Variants in POLR3B observed in about 807,000 individuals in gnomAD.
POLR3B encodes the protein DNA-directed RNA polymerase III subunit RPC2.
A neutral mutation model predicts 147.4 loss-of-function variants in POLR3B; 96 were observed. The observed-to-expected ratio is 0.65, with a 90% CI of 0.55 to 0.77. The LOEUF is 0.77. POLR3B is among the 30% of genes least tolerant of loss of function. The pLI is 0.00. For missense variants in POLR3B, 1,036 were observed against 1,413.5 expected (o/e 0.73, Z 4.28); for synonymous variants, 461 against 485.9 (o/e 0.95, Z 0.67).
At chr12:106,383,836 G>A (rs779113071) in intron 9 of POLR3B, among the ~76,000 whole-genome samples, 2 of 151,952 alleles carry the variant, frequency 1.3e-5, no homozygotes, top group Non-Finnish European at 2.9e-5. Context: ...AAATTAGCCG[G>A]GTGTGGTGGC....
At chr12:106,368,228 A>G (rs67911933) in intron 4 of POLR3B, among the ~76,000 whole-genome samples, 57,248 of 150,774 alleles carry the variant, frequency 0.38, 12,630 homozygotes, top group African/African-American at 0.61. Flanking sequence ...GTATGCCCCC[A>G]TCCCAGATTG....
At chr12:106,477,005 A>G (rs1277011358) in intron 23 of POLR3B, among the ~76,000 whole-genome samples, 1 of 148,596 alleles carries the variant, frequency 6.7e-6, no homozygotes, top group Non-Finnish European at 1.5e-5. Flanking sequence ...GGTTTTATCT[A>G]CTTTTGGTCT....
At chr12:106,370,610 C>A (rs553262205) in intron 6 of POLR3B, among the ~76,000 whole-genome samples, 36 of 149,818 alleles carry the variant, frequency 2.4e-4, no homozygotes, top group African/African-American at 8.6e-4. Context: ...GACTGTTTAT[C>A]AGTGTTTTTT....
intron 19 of POLR3B, among the ~76,000 whole-genome samples, chr12:106,451,219 C>T (rs75598630): frequency 0.01 from 1,592 of 152,082 alleles, 25 homozygotes; most frequent in African/African-American, 0.036. Context: ...GTGGTGGTTT[C>T]ACAGGCAATT....
rs893490755 is a variant in POLR3B at position 106,467,813 on chromosome 12, G to A, written c.2713+4193G>A. Among the ~76,000 whole-genome samples, 24 of 152,232 alleles carry A rather than the reference G, an allele frequency of 1.6e-4. No individual in the cohort carries two copies. In the South Asian group the frequency reaches 3.5e-3, roughly 22 times the overall value. On this transcript the variant is annotated intron_variant, in intron 23 of 27. Coordinates refer to ENST00000228347, the MANE Select transcript of POLR3B (RefSeq NM_018082.6). ...TCTCAGGGATGAAGCCGACTTGATC[G>A]TGGTGGAAAAGCTTTTTGACGTGCT...
rs565386817 is a variant in POLR3B at position 106,453,876 on chromosome 12, G to A, written c.2084-626G>A. ...TTGGGCTGTACCCTAGATTTCTTAA[G>A]GAAGGGGCCAAGCCTTTTCTCATTT... On this transcript the variant is annotated intron_variant, in intron 19 of 27. Coordinates refer to ENST00000228347, the MANE Select transcript of POLR3B (RefSeq NM_018082.6). 3.3e-5 allele frequency among the ~76,000 whole-genome samples: 5 copies of A among 152,234 alleles called. No homozygotes were observed. The East Asian group carries it at 7.7e-4, about 23-fold the overall frequency.
chr12:106,494,952 A>G (rs1267065709), intron 23 of POLR3B, among the ~76,000 whole-genome samples: 1 of 152,206 alleles, frequency 6.6e-6, no homozygotes, highest in Non-Finnish European at 1.5e-5. Flanking sequence ...ATTACAACAA[A>G]TCGCAAACTA....
chr12:106,401,291 G>A (rs1385468579), intron 10 of POLR3B, among the ~76,000 whole-genome samples: 5 of 152,154 alleles, frequency 3.3e-5, no homozygotes, highest in African/African-American at 1.2e-4. Flanking sequence ...TTGAATCTCT[G>A]AATAGACCAA....
intron 6 of POLR3B, among the ~76,000 whole-genome samples, 155 bp from the exon 7 acceptor site, chr12:106,376,204 T>C (rs2036676363): frequency 6.6e-6 from 1 of 152,248 alleles, no homozygotes; most frequent in Non-Finnish European, 1.5e-5. Context: ...TTCATTTTGC[T>C]TGGCTTCCAT....
At chr12:106,402,000 TA>T (rs2037075252) in intron 10 of POLR3B, among the ~76,000 whole-genome samples, 2 of 152,112 alleles carry the variant, frequency 1.3e-5, no homozygotes, top group Non-Finnish European at 2.9e-5. Flanking sequence ...AGTATTCAAT[TA>T]GGAAAAGAGG....
intron 1 of POLR3B, chr12:106,358,176 C>G (rs2036416455): frequency 1.0e-5 from 15 of 1,434,088 alleles, no homozygotes; most frequent in South Asian, 4.4e-5. Context: ...CTGCGGGGGC[C>G]GAGAAGCCCC....
intron 23 of POLR3B, among the ~76,000 whole-genome samples, chr12:106,476,936 G>A (rs2038180137): frequency 6.6e-6 from 1 of 151,642 alleles, no homozygotes; most frequent in South Asian, 2.1e-4. Context: ...TGGAGGAGGA[G>A]AGGCACTCTG....
At chr12:106,368,808 C>T (rs2036564847) in intron 4 of POLR3B, among the ~76,000 whole-genome samples, 1 of 152,134 alleles carries the variant, frequency 6.6e-6, no homozygotes, top group Admixed American at 6.6e-5. Context: ...CAGTTCTTTC[C>T]ACCCTGTTCC....
chr12:106,507,946 G>A, intron 27 of POLR3B: 5 of 354,904 alleles, frequency 1.4e-5, no homozygotes, highest in South Asian at 4.4e-5. Flanking sequence ...TTAACATTTT[G>A]GTGACTCTTT....
intron 4 of POLR3B, among the ~76,000 whole-genome samples, chr12:106,368,100 T>C (rs2036556858): frequency 6.6e-6 from 1 of 152,110 alleles, no homozygotes; most frequent in African/African-American, 2.4e-5. Context: ...TTGTTCAGAC[T>C]GTTTCAGCTT....
chr12:106,419,767 T>A (rs2037349887), intron 12 of POLR3B, among the ~76,000 whole-genome samples: 1 of 150,268 alleles, frequency 6.7e-6, no homozygotes, highest in African/African-American at 2.5e-5. Flanking sequence ...TTTTTTTTAT[T>A]TATAGTGAGC....
At chr12:106,495,527 T>C (rs1241102813) in intron 23 of POLR3B, among the ~76,000 whole-genome samples, 1 of 152,328 alleles carries the variant, frequency 6.6e-6, no homozygotes, top group Middle Eastern at 3.4e-3. Context: ...CTGCAGCCTA[T>C]AGGTAGACCT....
In POLR3B at chr12:106,443,802, T is replaced by C. The variant is rs370690766; in HGVS notation, c.1956-661T>C. Among the ~76,000 whole-genome samples, 159 of 151,906 alleles carry C rather than the reference T, an allele frequency of 1.0e-3. 4 individuals are homozygous for C. The East Asian group carries it at 0.017, about 16-fold the overall frequency. On this transcript the variant is annotated intron_variant, in intron 18 of 27. Transcript: ENST00000228347. ...TCCCAAACTGCTGGGATTATAGGCGTGAGCCACTGCATCCGGCCTATAGTA... is the reference window on the plus strand; with the variant it reads ...TCCCAAACTGCTGGGATTATAGGCGCGAGCCACTGCATCCGGCCTATAGTA...
chr12:106,395,310 A>G (rs1332473198), intron 10 of POLR3B, among the ~76,000 whole-genome samples: 1 of 152,250 alleles, frequency 6.6e-6, no homozygotes, highest in Admixed American at 6.5e-5. Context: ...TACAGGAACC[A>G]AAACCTGCTT....
Sources: gnomAD v4.1 joint callset for allele counts (sites outside exome capture counted in the v4.1 genomes callset) on GRCh38, gnomAD v4.1.1 for gene constraint, MANE v1.5 for transcripts, NCBI Gene and HGNC (gene_info 2026-07-23, HGNC 2026-07-21) for gene names.